The following SSPN variants were observed in gnomAD, a reference collection of about 807,000 sequenced individuals.
SSPN encodes the protein K-ras oncogene-associated protein.
A neutral mutation model predicts 19.1 loss-of-function variants in SSPN; 15 were observed. That is an observed-to-expected ratio of 0.78 (90% CI 0.52 to 1.21). The LOEUF (loss-of-function observed/expected upper bound fraction) is 1.21. SSPN is among the 50% of genes most tolerant of loss of function. The pLI is 0.00. For synonymous variants in SSPN, 147 were observed against 140.3 expected, an observed-to-expected ratio of 1.05 and a Z score of -0.34; for missense variants, 291 against 314.0, an observed-to-expected ratio of 0.93 and a Z score of 0.55.
At chr12:26,160,791 A>G (rs1944583117) in intron 1 of SSPN, among the ~76,000 whole-genome samples, 1 of 152,080 alleles carries the variant, frequency 6.6e-6, no homozygotes, top group South Asian at 2.1e-4. Context: ...TTCCTAACAC[A>G]GCAGTGTGAG....
At chr12:26,186,563 C>A (rs1412352191) in intron 1 of SSPN, among the ~76,000 whole-genome samples, 3 of 152,168 alleles carry the variant, frequency 2.0e-5, no homozygotes, top group Non-Finnish European at 1.5e-5. Context: ...GTTTTCTTGT[C>A]TTTTTGGAAA....
At chr12:26,197,108 A>C (rs1179458768) in intron 1 of SSPN, among the ~76,000 whole-genome samples, 2 of 152,196 alleles carry the variant, frequency 1.3e-5, no homozygotes, top group Non-Finnish European at 2.9e-5. Context: ...ATCAAGAGAG[A>C]CTAGAAATGA....
chr12:26,208,022 G>GC (rs1166030180), intron 1 of SSPN, among the ~76,000 whole-genome samples: 1 of 119,754 alleles, frequency 8.4e-6, no homozygotes, highest in Admixed American at 8.0e-5. Flanking sequence ...TGGTGGTGGG[G>GC]GGGGGGGATA....
intron 1 of SSPN, among the ~76,000 whole-genome samples, chr12:26,176,201 TTCTG>T (rs1284701527): frequency 1.3e-5 from 2 of 152,226 alleles, no homozygotes; most frequent in African/African-American, 2.4e-5. Flanking sequence ...CTCTCTCGGT[TTCTG>T]TCTGTCTCTC....
At chr12:26,219,812 C>T (rs1170145853) in intron 1 of SSPN, among the ~76,000 whole-genome samples, 1 of 152,232 alleles carries the variant, frequency 6.6e-6, no homozygotes, top group African/African-American at 2.4e-5. Context: ...CCCAGTGCCA[C>T]ACACGTGCCA....
upstream of SSPN, among the ~76,000 whole-genome samples, chr12:26,191,352 G>A (rs1309113571): frequency 2.6e-5 from 4 of 152,156 alleles, no homozygotes; most frequent in Non-Finnish European, 5.9e-5. Context: ...CAGGTATGGT[G>A]GCATGTGCCT....
At chr12:26,183,884 C>T (rs71452010) in intron 1 of SSPN, among the ~76,000 whole-genome samples, 1 of 152,202 alleles carries the variant, frequency 6.6e-6, no homozygotes, top group Non-Finnish European at 1.5e-5. Flanking sequence ...AATTGTACTG[C>T]ACTTTCGATG....
At chr12:26,142,333 A>AT (rs1832605074) in intron 1 of SSPN, among the ~76,000 whole-genome samples, 1 of 152,186 alleles carries the variant, frequency 6.6e-6, no homozygotes, top group Non-Finnish European at 1.5e-5. Context: ...CATTTTCAAG[A>AT]TGAAAGGTTG....
chr12:26,164,923 A>G (rs904123634), intron 1 of SSPN, among the ~76,000 whole-genome samples: 4 of 152,030 alleles, frequency 2.6e-5, no homozygotes, highest in Non-Finnish European at 4.4e-5. Flanking sequence ...ACTGATTTCT[A>G]CTCTACCCAT....
intron 1 of SSPN, chr12:26,124,032 G>A: frequency 7.6e-7 from 1 of 1,319,776 alleles, no homozygotes; most frequent in Non-Finnish European, 1.1e-6. Context: ...CTATTAACAC[G>A]CCCTTGGAGA....
At chr12:26,216,025 A>T (rs1945044585) in intron 1 of SSPN, among the ~76,000 whole-genome samples, 1 of 152,234 alleles carries the variant, frequency 6.6e-6, no homozygotes, top group South Asian at 2.1e-4. Context: ...CATTCTTGAG[A>T]TGATTAAATG....
chr12:26,209,682 C>T (rs965804024), intron 1 of SSPN, among the ~76,000 whole-genome samples: 2 of 151,788 alleles, frequency 1.3e-5, no homozygotes, highest in Admixed American at 6.6e-5. Flanking sequence ...AAAAACTGTC[C>T]TGTTCTTTAT....
chr12:26,221,974 A>G (rs1565693199), intron 1 of SSPN, among the ~76,000 whole-genome samples: 2 of 152,208 alleles, frequency 1.3e-5, no homozygotes, highest in African/African-American at 4.8e-5. Flanking sequence ...TCAATTTAGT[A>G]TTTTTTACAA....
At chr12:26,211,736 G>A (rs1041576450) in intron 1 of SSPN, 2 of 152,180 alleles carry the variant, frequency 1.3e-5, no homozygotes, top group African/African-American at 2.4e-5. Flanking sequence ...GAGAAACAGG[G>A]CAGTCACTTA....
chr12:26,165,039 ACATCT>A (rs1433538197), intron 1 of SSPN, among the ~76,000 whole-genome samples: 2 of 152,240 alleles, frequency 1.3e-5, no homozygotes, highest in Non-Finnish European at 2.9e-5. Flanking sequence ...GTTTATACAA[ACATCT>A]CATTTAAAAA....
At chr12:26,220,606 G>A (rs915236437) in intron 1 of SSPN, among the ~76,000 whole-genome samples, 1 of 152,064 alleles carries the variant, frequency 6.6e-6, no homozygotes, top group African/African-American at 2.4e-5. Flanking sequence ...GGTGTCAATT[G>A]CTTCACATAT....
chr12:26,123,286 T>G, intron 1 of SSPN: 7 of 1,322,816 alleles, frequency 5.3e-6, no homozygotes, highest in Non-Finnish European at 7.1e-6. Flanking sequence ...GATCTCGGTT[T>G]TTCCCCAGTA....
chr12:26,210,547 A>C (rs1180520482), intron 1 of SSPN, among the ~76,000 whole-genome samples: 1 of 151,442 alleles, frequency 6.6e-6, no homozygotes, highest in East Asian at 1.9e-4. Context: ...TCTCCCCCTT[A>C]CAATTTATTT....
chr12:26,152,582 C>G (rs1458663495), intron 1 of SSPN, among the ~76,000 whole-genome samples: 1 of 152,140 alleles, frequency 6.6e-6, no homozygotes, highest in Non-Finnish European at 1.5e-5. Context: ...CATGCAGACT[C>G]TACCTCCAAA....
Sources: allele counts gnomAD v4.1 joint callset (sites outside exome capture counted in the v4.1 genomes callset), GRCh38; gene constraint gnomAD v4.1.1; transcripts MANE v1.5; gene names NCBI Gene and HGNC (gene_info 2026-07-23, HGNC 2026-07-21).